WDPCP: variants seen among roughly 807,000 people sequenced by gnomAD.
The protein encoded by WDPCP is WD repeat containing planar cell polarity effector, also known as WD repeat-containing and planar cell polarity effector protein fritz homolog.
In WDPCP, 71 loss-of-function variants were observed where a neutral mutation model predicts 93.1. That is an observed-to-expected ratio of 0.76 (90% CI 0.63 to 0.93). WDPCP has a LOEUF of 0.93. WDPCP is among the 40% of genes least tolerant of loss of function. The pLI, the probability that WDPCP is intolerant of heterozygous loss-of-function variation, is 0.00. For synonymous variants in WDPCP, 315 were observed against 315.0 expected, an observed-to-expected ratio of 1.00 and a Z score of 0.00; for missense variants, 844 against 887.4, an observed-to-expected ratio of 0.95 and a Z score of 0.62.
intron 1 of WDPCP, among the ~76,000 whole-genome samples, chr2:63,575,115 TG>T (rs1400006124): frequency 1.3e-5 from 2 of 151,684 alleles, no homozygotes; most frequent in Non-Finnish European, 2.9e-5. Context: ...AATGCAACCT[TG>T]AAAAACATGG....
In WDPCP at chr2:63,433,776, A is replaced by G; in HGVS notation, c.794T>C (p.Leu265Pro). ...ISSEKDRANL[L>P]LLGYAQGRLE... ...TCTTCCTTGAGCATAACCCAGGAGG[A>G]GTAGATTGGCTCTGTCCTTCTCAGA... The change falls in exon 9 of 18, where the codon CTC becomes CCC. Residue 265 changes from leucine to proline, a missense_variant. Transcript: ENST00000272321. The G allele has an allele frequency of 6.2e-7, 1 of 1,613,634 alleles. No individual in the cohort carries two copies. Among genetic ancestry groups the G allele is most frequent in the South Asian group, 1.1e-5 (1 of 90,918 alleles).
intron 1 of WDPCP, among the ~76,000 whole-genome samples, chr2:63,512,329 G>A (rs1190617892): frequency 2.0e-5 from 3 of 152,182 alleles, no homozygotes; most frequent in African/African-American, 7.2e-5. Flanking sequence ...GTCAGACAGT[G>A]TGGCGATTCC....
chr2:63,464,843 T>C (rs926686721), intron 6 of WDPCP, among the ~76,000 whole-genome samples: 6 of 151,804 alleles, frequency 4.0e-5, no homozygotes, highest in African/African-American at 1.2e-4. Context: ...GTCAAATTCA[T>C]AGAAACAGAA....
intron 1 of WDPCP, among the ~76,000 whole-genome samples, chr2:63,545,185 T>C (rs1238153548): frequency 1.3e-5 from 2 of 152,094 alleles, no homozygotes; most frequent in Non-Finnish European, 2.9e-5. Flanking sequence ...CTGGTAAGTA[T>C]ACCAGTTCTC....
At chr2:63,267,715 TGAAA>T (rs2104831639) in intron 13 of WDPCP, among the ~76,000 whole-genome samples, 1 of 152,156 alleles carries the variant, frequency 6.6e-6, no homozygotes, top group South Asian at 2.1e-4. Flanking sequence ...AACAGATACA[TGAAA>T]AACACTCAAC....
rs554045099 is a variant in WDPCP, at chr2:63,826,137, G to A, written n.222+1485C>T. ...ATCAGTTTGCCAAATTCTCTGTTGA[G>A]GAAAAATAGTCACTTACGTACCAAA... On this transcript the variant is annotated intron_variant and non_coding_transcript_variant, in intron 1 of 4. Transcript: ENST00000467687. Among the ~76,000 whole-genome samples, 26 of 152,084 alleles carry A rather than the reference G, an allele frequency of 1.7e-4. No individual in the cohort carries two copies. The South Asian group carries it at 5.4e-3, about 32-fold the overall frequency.
intron 3 of WDPCP, among the ~76,000 whole-genome samples, chr2:63,645,898 A>G (rs262480): frequency 0.79 from 120,534 of 152,090 alleles, 48,231 homozygotes; most frequent in East Asian, 0.98. Flanking sequence ...GTGTCTTTAT[A>G]GGTGAAGTGT....
chr2:63,678,696 T>C (rs1056781529), intron 2 of WDPCP, among the ~76,000 whole-genome samples: 1 of 152,222 alleles, frequency 6.6e-6, no homozygotes, highest in Non-Finnish European at 1.5e-5. Context: ...CTGGAAGTGA[T>C]AGGATGAAAG....
At chr2:63,789,681 T>C (rs1473691242) in intron 2 of WDPCP, among the ~76,000 whole-genome samples, 3 of 152,238 alleles carry the variant, frequency 2.0e-5, no homozygotes, top group Admixed American at 1.3e-4. Context: ...CCTTATGCTT[T>C]CATTTTTGAA....
At position 63,688,254 on chromosome 2, in the gene WDPCP, G is replaced by A. The variant is rs915779751; in HGVS notation, n.309-37416C>T. ...AGCCTGGCTAACACGGTGAAACCCC[G>A]TCTTTACTAAAAATACAAAAAAATT... On this transcript the variant is annotated intron_variant and non_coding_transcript_variant, in intron 2 of 4. Coordinates refer to the WDPCP transcript ENST00000467687. 9.9e-5 allele frequency among the ~76,000 whole-genome samples: 15 copies of A among 151,940 alleles called. 1 individual carries two copies. Among genetic ancestry groups the A allele is most frequent in the Admixed American group, 2.0e-4 (3 of 15,238 alleles).
intron 9 of WDPCP, among the ~76,000 whole-genome samples, chr2:63,432,070 C>T (rs544946160): frequency 1.3e-5 from 2 of 152,158 alleles, no homozygotes; most frequent in South Asian, 4.1e-4. Context: ...ACGTCACACC[C>T]AGGAAGTTTT....
At chr2:63,139,193 ACACAC>A (rs1006945512) in intron 17 of WDPCP, among the ~76,000 whole-genome samples, 15 of 152,224 alleles carry the variant, frequency 9.9e-5, no homozygotes, top group Non-Finnish European at 1.5e-4. Context: ...ACACACACAC[ACACAC>A]ACCAGTTTCT....
At chr2:63,362,137 C>A (rs1205761085) in intron 12 of WDPCP, among the ~76,000 whole-genome samples, 1 of 151,998 alleles carries the variant, frequency 6.6e-6, no homozygotes, top group Non-Finnish European at 1.5e-5. Context: ...ACTATAATTT[C>A]CTTACTGTAC....
chr2:63,705,601 A>C (rs187146873), intron 2 of WDPCP, among the ~76,000 whole-genome samples: 13 of 152,060 alleles, frequency 8.5e-5, no homozygotes, highest in African/African-American at 2.9e-4. Context: ...CATGTAGTTG[A>C]GCAGTTTTGA....
chr2:63,835,736 T>C, the WDPCP span, among the ~76,000 whole-genome samples: 44 of 152,306 alleles, frequency 2.9e-4, no homozygotes, highest in African/African-American at 1.1e-3. Context: ...CCTCCTCTTT[T>C]TCATTAGAGA....
chr2:63,453,275 T>C (rs906528325), intron 6 of WDPCP, among the ~76,000 whole-genome samples: 2 of 152,030 alleles, frequency 1.3e-5, no homozygotes, highest in African/African-American at 2.4e-5. Context: ...CATCAAAAAG[T>C]GGGCAAAGGA....
chr2:63,141,676 A>G (rs1417565723), intron 17 of WDPCP, among the ~76,000 whole-genome samples: 1 of 152,170 alleles, frequency 6.6e-6, no homozygotes, highest in Admixed American at 6.5e-5. Flanking sequence ...ATCTTGTGGA[A>G]TGGTATCAAA....
At chr2:63,325,002 T>G (rs941847196) in intron 12 of WDPCP, among the ~76,000 whole-genome samples, 6 of 152,194 alleles carry the variant, frequency 3.9e-5, no homozygotes, top group Non-Finnish European at 7.3e-5. Context: ...ATAAGTTTAT[T>G]ACCCAATCAG....
At chr2:63,747,488 A>T (rs1669816181) in intron 2 of WDPCP, among the ~76,000 whole-genome samples, 1 of 151,596 alleles carries the variant, frequency 6.6e-6, no homozygotes, top group Admixed American at 6.6e-5. Context: ...GACTCAATAT[A>T]ATTTTTTCCC....
Sources: allele counts gnomAD v4.1 joint callset (sites outside exome capture counted in the v4.1 genomes callset), GRCh38; gene constraint gnomAD v4.1.1; transcripts MANE v1.5; gene names NCBI Gene and HGNC (gene_info 2026-07-23, HGNC 2026-07-21).